Variants in PRKN observed in about 807,000 individuals in gnomAD.
PRKN encodes the protein parkin RBR E3 ubiquitin protein ligase.
A neutral mutation model predicts 59.5 loss-of-function variants in PRKN; 56 were observed. The ratio of observed to expected loss-of-function variants is 0.94; its 90% CI spans 0.76 to 1.18. The LOEUF (loss-of-function observed/expected upper bound fraction) is 1.18. Ranked by LOEUF, PRKN falls within the 50% of genes most tolerant of loss-of-function variation. The probability of loss-of-function intolerance (pLI) is 0.00; values close to 1 mark genes in which losing one functional copy is unlikely to be tolerated. For missense variants in PRKN, 657 were observed against 596.4 expected (o/e 1.10, Z -1.06); for synonymous variants, 250 against 222.1 (o/e 1.13, Z -1.12).
At chr6:162,502,463 G>T (rs1461701760) in intron 1 of PRKN, among the ~76,000 whole-genome samples, 1 of 152,122 alleles carries the variant, frequency 6.6e-6, no homozygotes, top group Non-Finnish European at 1.5e-5. Context: ...TGGCTGAACA[G>T]TACCTCCTGA....
intron 6 of PRKN, among the ~76,000 whole-genome samples, chr6:161,787,077 T>C (rs1239990066): frequency 6.6e-6 from 1 of 152,158 alleles, no homozygotes; most frequent in East Asian, 1.9e-4. Flanking sequence ...TCCTATGTAA[T>C]TGTAACAAAA....
chr6:162,153,280 C>T (rs747014836), intron 4 of PRKN, among the ~76,000 whole-genome samples: 3 of 152,304 alleles, frequency 2.0e-5, no homozygotes, highest in East Asian at 1.9e-4. Context: ...CCTGCTGTGG[C>T]GCACCCCTTG....
In PRKN at chr6:161,414,115, T is replaced by C. The variant is rs2115011726; in HGVS notation, c.1084-27238A>G. 6.6e-6 allele frequency among the ~76,000 whole-genome samples: 1 copy of C among 152,268 alleles called. No homozygotes were observed. The highest frequency in any genetic ancestry group is 2.1e-4 in the South Asian group (1 of 4,822). On this transcript the variant is annotated intron_variant, in intron 9 of 11. Coordinates refer to ENST00000366898, the MANE Select transcript of PRKN (RefSeq NM_004562.3). The surrounding 1 kb of genome is among the most constrained non-coding windows in gnomAD (Gnocchi z 5.3). ...GGTGTCATTTTAATTCAGACTTCTC[T>C]CTTTCTTTGCTGCAAATGGCTCTCT...
Position 161,451,912 on chromosome 6 carries a change from CTTTTT to C in PRKN, c.1084-65040_1084-65036del, listed in dbSNP as rs964455310. ...ACTACATTTATAAATTTAAGACATTCTTTTTTTTCTTTTTTCTTTTCTTTTCTTTT... is the reference window on the plus strand; with the variant it reads ...ACTACATTTATAAATTTAAGACATTCTTTCTTTTTTCTTTTCTTTTCTTTT... On this transcript the variant is annotated intron_variant, in intron 9 of 11. Transcript: ENST00000366898. This position sits in a 1 kb window ranked among gnomAD's most constrained non-coding sequence, Gnocchi z 5.9. Among the ~76,000 whole-genome samples, 4 of 151,850 alleles carry C rather than the reference CTTTTT, an allele frequency of 2.6e-5. No individual in the cohort carries two copies. Among genetic ancestry groups the C allele is most frequent in the Non-Finnish European group, 5.9e-5 (4 of 67,922 alleles).
chr6:161,952,622 A>G (rs984953305), intron 6 of PRKN, among the ~76,000 whole-genome samples: 12 of 152,200 alleles, frequency 7.9e-5, no homozygotes, highest in African/African-American at 2.9e-4. Flanking sequence ...ATCTCAAAAA[A>G]TAAATACATA....
At position 161,357,042 on chromosome 6, in the gene PRKN, C is replaced by G. The variant is rs1024038373; in HGVS notation, c.1285+3046G>C. On this transcript the variant is annotated intron_variant, in intron 11 of 11. Transcript: ENST00000366898. This position sits in a 1 kb window ranked among gnomAD's most constrained non-coding sequence, Gnocchi z 5.5. ...AAGCAACAGGTCCAGGTTCGCTGACCACTTCCTTTTTTTTTTTTTTTTTTT... is the reference window on the plus strand; with the variant it reads ...AAGCAACAGGTCCAGGTTCGCTGACGACTTCCTTTTTTTTTTTTTTTTTTT... 6.7e-6 allele frequency among the ~76,000 whole-genome samples: 1 copy of G among 148,630 alleles called. No individual in the cohort carries two copies. The highest frequency in any genetic ancestry group is 2.5e-5 in the African/African-American group (1 of 40,036).
Position 161,569,385 on chromosome 6 carries a change from G to T in PRKN, c.903C>A (p.Leu301=). Residue 301 remains leucine (L), a synonymous_variant, in exon 8 of 12, where the codon CTC becomes CTA. Coordinates refer to ENST00000366898, the MANE Select transcript of PRKN (RefSeq NM_004562.3). ...AGCPNSLIKE[L]HHFRILGEEQ... ...CTTCTCCCAGAATCCTGAAGTGATG[G>T]AGCTCTTTAATCAAGGAGTTGGGAC... 1 of 1,614,008 alleles carries T rather than the reference G, an allele frequency of 6.2e-7. No homozygotes were observed. The highest frequency in any genetic ancestry group is 1.1e-5 in the South Asian group (1 of 91,078).
At chr6:162,725,591 C>T (rs971703077) in intron 1 of PRKN, among the ~76,000 whole-genome samples, 1 of 151,980 alleles carries the variant, frequency 6.6e-6, no homozygotes. Flanking sequence ...GAAACTCCAT[C>T]TCTACAAAAA....
At chr6:161,654,442 A>T (rs1784266214) in intron 7 of PRKN, among the ~76,000 whole-genome samples, 1 of 152,182 alleles carries the variant, frequency 6.6e-6, no homozygotes, top group South Asian at 2.1e-4. Context: ...TCCAGCAGCC[A>T]TGAAGAAGCC....
At chr6:161,439,975 G>C (rs952674029) in intron 9 of PRKN, among the ~76,000 whole-genome samples, 10 of 150,196 alleles carry the variant, frequency 6.7e-5, no homozygotes, top group Non-Finnish European at 3.0e-5. Context: ...TTTTTTGACG[G>C]AGTCTCACTC....
At chr6:162,589,106 G>C (rs896890407) in intron 1 of PRKN, among the ~76,000 whole-genome samples, 2 of 152,096 alleles carry the variant, frequency 1.3e-5, no homozygotes, top group Non-Finnish European at 2.9e-5. Context: ...GAAATTCTGG[G>C]ATTTCTGACA....
chr6:162,251,545 CTTTCT>C (rs1779437558), intron 3 of PRKN, among the ~76,000 whole-genome samples: 1 of 152,150 alleles, frequency 6.6e-6, no homozygotes, highest in Non-Finnish European at 1.5e-5. Context: ...TGAAGAATTT[CTTTCT>C]TATCTTAAAT....
chr6:161,714,629 T>C (rs1786896260), intron 7 of PRKN, among the ~76,000 whole-genome samples: 1 of 152,238 alleles, frequency 6.6e-6, no homozygotes, highest in South Asian at 2.1e-4. Context: ...ATGTACTCCA[T>C]GTAAAACACT....
At chr6:161,917,265 C>T (rs1369158528) in intron 6 of PRKN, among the ~76,000 whole-genome samples, 1 of 152,054 alleles carries the variant, frequency 6.6e-6, no homozygotes, top group Non-Finnish European at 1.5e-5. Context: ...GCCACCATGC[C>T]TGGCTAATTT....
At chr6:161,556,343 C>A (rs1295871644) in intron 8 of PRKN, among the ~76,000 whole-genome samples, 1 of 152,130 alleles carries the variant, frequency 6.6e-6, no homozygotes, top group Admixed American at 6.5e-5. Context: ...GAAAGTATTA[C>A]TTTTCAAAAT....
chr6:162,369,098 A>C (rs1209404815), intron 2 of PRKN, among the ~76,000 whole-genome samples: 1 of 152,226 alleles, frequency 6.6e-6, no homozygotes, highest in African/African-American at 2.4e-5. Flanking sequence ...TGCAAAGGTG[A>C]CATATAGTAA....
chr6:161,902,524 G>GACTA lies in PRKN; in HGVS notation c.734+70777_734+70778insTAGT, dbSNP rs1554245393. 5.2e-3 allele frequency among the ~76,000 whole-genome samples: 685 copies of GACTA among 132,942 alleles called. 15 individuals are homozygous for GACTA. Among genetic ancestry groups the GACTA allele is most frequent in the African/African-American group, 0.019 (655 of 33,854 alleles). 87.2% of individuals were successfully genotyped at this position (132,942 alleles called of 152,430 possible). On this transcript the variant is annotated intron_variant, in intron 6 of 11. Coordinates refer to ENST00000366898, the MANE Select transcript of PRKN (RefSeq NM_004562.3). ...GTGTGTGTAAATGTAATAGACATCCGTCTATCTATCTATCTATCTATCTAT... is the reference window on the plus strand; with the variant it reads ...GTGTGTGTAAATGTAATAGACATCCGACTATCTATCTATCTATCTATCTATCTAT...
chr6:161,733,045 A>G (rs571920250), intron 7 of PRKN, among the ~76,000 whole-genome samples: 1 of 152,318 alleles, frequency 6.6e-6, no homozygotes, highest in African/African-American at 2.4e-5. Flanking sequence ...AAACAAAAAC[A>G]AAAAGAAAAA....
rs932109660 is a variant in PRKN at position 161,545,261 on chromosome 6, A to C, written c.1083+3593T>G. On this transcript the variant is annotated intron_variant, in intron 9 of 11. Transcript: ENST00000366898. The surrounding 1 kb of genome is among the most constrained non-coding windows in gnomAD (Gnocchi z 4.1). ...GTGAATTCACAGGCATCTTACAATAAATCTGTGAACCACATCCTGATAATC... is the reference window on the plus strand; with the variant it reads ...GTGAATTCACAGGCATCTTACAATACATCTGTGAACCACATCCTGATAATC... 7.0e-6 allele frequency: 10 copies of C among 1,421,924 alleles called. No homozygotes were observed. Among genetic ancestry groups the C allele is most frequent in the Non-Finnish European group, 9.2e-6 (10 of 1,086,256 alleles). 88.1% of individuals were successfully genotyped at this position (1,421,924 alleles called of 1,614,324 possible). A position where few individuals can be genotyped will look rare whatever the true frequency, so the allele number is the denominator to read the frequency against.
Sources: gnomAD v4.1 joint callset for allele counts (sites outside exome capture counted in the v4.1 genomes callset) on GRCh38, gnomAD v4.1.1 for gene constraint, Gnocchi (gnomAD v3.1) non-coding constraint, MANE v1.5 for transcripts, NCBI Gene and HGNC (gene_info 2026-07-23, HGNC 2026-07-21) for gene names.